Variants in ATM observed in about 807,000 individuals in gnomAD.
The protein encoded by ATM is ATM serine/threonine kinase, also known as serine-protein kinase ATM.
Under a neutral mutation model 387.0 loss-of-function variants are expected in ATM, and 308 were observed. The ratio of observed to expected loss-of-function variants is 0.80; its 90% CI spans 0.73 to 0.87. ATM has a LOEUF of 0.87. Ranked by LOEUF, ATM falls within the 40% of genes least tolerant of loss-of-function variation. The pLI is 0.00. For missense variants in ATM, 3,312 were observed against 3,560.9 expected (o/e 0.93, Z 1.78); for synonymous variants, 1,156 against 1,187.3 (o/e 0.97, Z 0.54).
chr11:108,288,169 A>C (rs1395585043), intron 27 of ATM, among the ~76,000 whole-genome samples: 3 of 151,684 alleles, frequency 2.0e-5, no homozygotes, highest in Non-Finnish European at 4.4e-5. Flanking sequence ...TTCCAGGCTC[A>C]AGCTATCCTT....
intron 13 of ATM, among the ~76,000 whole-genome samples, 167 bp from the exon 14 acceptor site, chr11:108,256,048 A>G (rs991580516): frequency 2.6e-5 from 4 of 152,222 alleles, no homozygotes; most frequent in Admixed American, 1.3e-4. Context: ...TTATAATTCT[A>G]CAGTGATCTC....
In ATM at chr11:108,327,634, T is replaced by C. The variant is rs1565523441; in HGVS notation, c.6976-11T>C. 3 of 1,608,830 alleles carry C rather than the reference T, an allele frequency of 1.9e-6. No homozygotes were observed. The highest frequency in any genetic ancestry group is 2.6e-6 in the Non-Finnish European group (3 of 1,175,510). On this transcript the variant is annotated splice_polypyrimidine_tract_variant and intron_variant, in intron 47 of 62. Coordinates refer to ENST00000675843, the MANE Select transcript of ATM (RefSeq NM_000051.4). Reference sequence around the variant, plus strand: ...TGCATTATATTTTAAGATTTTGCCTTTCTTATACAGAACAATCCCAGCCTA... The same window carrying C: ...TGCATTATATTTTAAGATTTTGCCTCTCTTATACAGAACAATCCCAGCCTA...
chr11:108,276,233 A>G (rs1226482567), intron 22 of ATM, among the ~76,000 whole-genome samples: 4 of 151,992 alleles, frequency 2.6e-5, no homozygotes, highest in Non-Finnish European at 5.9e-5. Flanking sequence ...TCTTCTCTAC[A>G]CTGATTATTC....
chr11:108,240,511 C>G (rs2079501846), intron 5 of ATM, among the ~76,000 whole-genome samples: 1 of 152,172 alleles, frequency 6.6e-6, no homozygotes, highest in Non-Finnish European at 1.5e-5. Flanking sequence ...TGGTATAACA[C>G]TACGCACCTA....
chr11:108,240,170 T>C (rs190777864), intron 5 of ATM, among the ~76,000 whole-genome samples: 1 of 152,220 alleles, frequency 6.6e-6, no homozygotes, highest in Non-Finnish European at 1.5e-5. Context: ...GACAAGTGTT[T>C]TGACATTTTT....
In ATM at chr11:108,353,777, G is replaced by T. The variant is rs769951912; in HGVS notation, c.8683G>T (p.Glu2895Ter). 3 of 1,613,538 alleles carry T rather than the reference G, an allele frequency of 1.9e-6. No individual in the cohort carries two copies. Among genetic ancestry groups the T allele is most frequent in the Admixed American group, 3.3e-5 (2 of 60,020 alleles). Reference sequence around the variant, plus strand: ...ATTCTTTACTTTAGGTGTTGCTTTTGAACAGGGCAAAATCCTTCCTACTCC... The same window carrying T: ...ATTCTTTACTTTAGGTGTTGCTTTTTAACAGGGCAAAATCCTTCCTACTCC... ...LVHIDLGVAF[E>*]QGKILPTPET... The change falls in exon 60 of 63, where the codon GAA (glutamate) becomes TAA (stop). Residue 2895 changes from glutamate to a stop codon, truncating the protein, a stop_gained. Transcript: ENST00000675843. LOFTEE classifies it high-confidence loss of function.
chr11:108,358,830 A>G (rs1025732160), intron 61 of ATM, among the ~76,000 whole-genome samples: 3 of 150,804 alleles, frequency 2.0e-5, no homozygotes, highest in Non-Finnish European at 3.0e-5. Context: ...GGTACCAGCC[A>G]CTGCAAAATC....
intron 43 of ATM, 53 bp from the exon 44 acceptor site, chr11:108,319,901 A>T (rs55735410): frequency 1.6e-6 from 2 of 1,281,910 alleles, no homozygotes; most frequent in Non-Finnish European, 2.3e-6. Context: ...TTATACATGT[A>T]TATCTTAGGG....
intron 18 of ATM, among the ~76,000 whole-genome samples, chr11:108,269,779 A>G (rs1428574869): frequency 6.6e-6 from 1 of 152,196 alleles, no homozygotes; most frequent in Non-Finnish European, 1.5e-5. Context: ...CATTGGTGGA[A>G]TCCCTGGTCA....
chr11:108,298,751 C>G (rs560952985), intron 33 of ATM, among the ~76,000 whole-genome samples: 1 of 152,274 alleles, frequency 6.6e-6, no homozygotes, highest in East Asian at 1.9e-4. Flanking sequence ...GTAAAACTAT[C>G]TGTATTTACA....
chr11:108,368,263 T>C lies in ATM; in HGVS notation c.*2755T>C, dbSNP rs2091434481. 4.8e-6 allele frequency: 1 copy of C among 208,216 alleles called. No individual in the cohort carries two copies. The highest frequency in any genetic ancestry group is 2.3e-5 in the African/African-American group (1 of 43,522). The allele number at this position is 208,216 out of a possible 1,614,324, so 12.9% of individuals were successfully genotyped here. On this transcript the variant is annotated 3_prime_UTR_variant, in exon 63 of 63. Coordinates refer to ENST00000675843, the MANE Select transcript of ATM (RefSeq NM_000051.4). The stretch of plus-strand genomic sequence containing the variant: ...ACAGGGTTGCCATTGTATTCCAGCC[T>C]TGGCGACAGAGCAAGACTCTGCCTC...
At chr11:108,362,977 CA>C (rs1313581272) in intron 61 of ATM, among the ~76,000 whole-genome samples, 1 of 151,642 alleles carries the variant, frequency 6.6e-6, no homozygotes, top group African/African-American at 2.4e-5. Context: ...AAACAAACAA[CA>C]AAACAAACAA....
At chr11:108,305,293 C>T (rs577767038) in intron 37 of ATM, among the ~76,000 whole-genome samples, 1 of 152,140 alleles carries the variant, frequency 6.6e-6, no homozygotes, top group Non-Finnish European at 1.5e-5. Context: ...TAAAAAGCAG[C>T]CTTTGGCCGG....
At chr11:108,284,544 TATTTATTCG>T in intron 26 of ATM, 71 bp downstream of exon 26, 1 of 1,575,704 alleles carries the variant, frequency 6.3e-7, no homozygotes, top group Non-Finnish European at 8.7e-7. Flanking sequence ...GTTTTAAGGC[TATTTATTCG>T]ATTTATTCGT....
intron 16 of ATM, among the ~76,000 whole-genome samples, chr11:108,261,309 C>T (rs2080870104): frequency 6.6e-6 from 1 of 152,204 alleles, no homozygotes; most frequent in Non-Finnish European, 1.5e-5. Flanking sequence ...ACTGCCTCCT[C>T]AAGTGGGTCC....
At chr11:108,298,510 G>C (rs979725792) in intron 33 of ATM, among the ~76,000 whole-genome samples, 5 of 152,146 alleles carry the variant, frequency 3.3e-5, no homozygotes, top group African/African-American at 1.2e-4. Context: ...TTACCTCCTT[G>C]TCCATAGTGG....
chr11:108,356,070 G>A (rs766049087), intron 61 of ATM: 3 of 152,096 alleles, frequency 2.0e-5, no homozygotes, highest in Admixed American at 6.6e-5. Flanking sequence ...TTCAAATTCT[G>A]TTCATACATG....
chr11:108,299,587 G>A (rs570800879), intron 33 of ATM, 127 bp from the exon 34 acceptor site: 18 of 945,698 alleles, frequency 1.9e-5, no homozygotes, highest in South Asian at 6.7e-5. Flanking sequence ...GTGAGCCACC[G>A]CACTCGGCCT....
chr11:108,266,304 A>G (rs2135493339), intron 16 of ATM, among the ~76,000 whole-genome samples: 1 of 152,214 alleles, frequency 6.6e-6, no homozygotes, highest in South Asian at 2.1e-4. Flanking sequence ...CTATGCAGCC[A>G]TAAAAAATGA....
Sources: allele counts gnomAD v4.1 joint callset (sites outside exome capture counted in the v4.1 genomes callset), GRCh38; gene constraint gnomAD v4.1.1; transcripts MANE v1.5; gene names NCBI Gene and HGNC (gene_info 2026-07-23, HGNC 2026-07-21).